SYT10: variants seen among roughly 807,000 people sequenced by gnomAD.
SYT10 encodes synaptotagmin 10.
Under a neutral mutation model 51.1 loss-of-function variants are expected in SYT10, and 31 were observed. The observed-to-expected ratio is 0.61, with a 90% CI of 0.46 to 0.82. SYT10 has a LOEUF of 0.82. Among genes scored for constraint, SYT10 ranks in the 40% least tolerant of loss-of-function variants. The pLI, the probability that SYT10 is intolerant of heterozygous loss-of-function variation, is 0.00. For missense variants in SYT10, 603 were observed against 634.0 expected (o/e 0.95, Z 0.53); for synonymous variants, 233 against 225.9 (o/e 1.03, Z -0.28).
rs746655901 is a variant in SYT10 at position 33,374,763 on chromosome 12, A to G, written c.*2067T>C. 34 of 151,984 alleles carry G rather than the reference A, an allele frequency of 2.2e-4. No individual in the cohort carries two copies. The highest frequency in any genetic ancestry group is 3.4e-3 in the Middle Eastern group (1 of 294). 9.4% of individuals were successfully genotyped at this position (151,984 alleles called of 1,614,324 possible). Reference sequence around the variant, plus strand: ...CATATTAGAGTCTTCTGATTGGCCAATGGTTCACATTTTTTCATCACAAGC... The same window carrying G: ...CATATTAGAGTCTTCTGATTGGCCAGTGGTTCACATTTTTTCATCACAAGC... On this transcript the variant is annotated 3_prime_UTR_variant, in exon 7 of 7. Coordinates refer to ENST00000228567, the MANE Select transcript of SYT10 (RefSeq NM_198992.4).
At chr12:33,387,353 A>G (rs1866165366) in intron 3 of SYT10, among the ~76,000 whole-genome samples, 1 of 152,234 alleles carries the variant, frequency 6.6e-6, no homozygotes, top group South Asian at 2.1e-4. Context: ...TTTCAAATTG[A>G]GAATAACGCT....
chr12:33,436,419 A>T (rs1866638040), intron 1 of SYT10, among the ~76,000 whole-genome samples: 1 of 152,180 alleles, frequency 6.6e-6, no homozygotes, highest in Admixed American at 6.5e-5. Context: ...ACTTTCTAGA[A>T]TATTAGTAAT....
In SYT10 at chr12:33,422,773, G is replaced by T. The variant is rs192098302; in HGVS notation, c.509+3365C>A. Among the ~76,000 whole-genome samples, 502 of 151,830 alleles carry T rather than the reference G, an allele frequency of 3.3e-3. 1 individual carries two copies. Among genetic ancestry groups the T allele is most frequent in the African/African-American group, 0.012 (479 of 41,408 alleles). On this transcript the variant is annotated intron_variant, in intron 2 of 6. Transcript: ENST00000228567. ...AATGGCTCTTCTCCATGCCTTAGCT[G>T]GAAATAATGTCTCAATGTTCTGAAT...
intron 6 of SYT10, among the ~76,000 whole-genome samples, chr12:33,379,055 TA>T (rs1866090809): frequency 6.6e-6 from 1 of 152,186 alleles, no homozygotes; most frequent in African/African-American, 2.4e-5. Context: ...TTTTTGTGAC[TA>T]AACTGAGATT....
chr12:33,386,888 T>G (rs1866161225), intron 3 of SYT10, among the ~76,000 whole-genome samples: 1 of 152,182 alleles, frequency 6.6e-6, no homozygotes, highest in African/African-American at 2.4e-5. Flanking sequence ...TTTATTTCAT[T>G]TTTATAAAGC....
Position 33,382,366 on chromosome 12 carries a change from C to T in SYT10, c.1353G>A (p.Ala451=), listed in dbSNP as rs532155899. The T allele has an allele frequency of 6.0e-5, 97 of 1,606,494 alleles. No homozygotes were observed. Among genetic ancestry groups the T allele is most frequent in the Admixed American group, 3.9e-4 (23 of 58,924 alleles). The change falls in exon 5 of 7, where the codon GCG becomes GCA. Residue 451 remains alanine, a synonymous_variant. Transcript: ENST00000228567. ...ACACATACCTATCGTAATCCATGAC[C>T]GCAATGGAGAGGCTGACCTGGTCCA... ...ENVDQVSLSI[A]VMDYDRVGHN...
chr12:33,420,783 A>G (rs1866496287), intron 2 of SYT10, among the ~76,000 whole-genome samples: 1 of 152,254 alleles, frequency 6.6e-6, no homozygotes, highest in African/African-American at 2.4e-5. Flanking sequence ...TAGTTCAAAG[A>G]GTCATCTCTT....
At position 33,438,298 on chromosome 12, in the gene SYT10, G is replaced by A. The variant is rs528683578; in HGVS notation, c.151+1074C>T. Among the ~76,000 whole-genome samples the A allele has an allele frequency of 2.2e-4, 34 of 152,296 alleles. No homozygotes were observed. In the East Asian group the frequency reaches 6.2e-3, roughly 28 times the overall value. ...AAATGACAGGAAAAGCAAAGGGAAA[G>A]AACCTAGAGAAGGAATGGCAACCTT... On this transcript the variant is annotated intron_variant, in intron 1 of 6. Transcript: ENST00000228567.
At chr12:33,426,062 T>TTACACA in intron 2 of SYT10, 76 bp downstream of exon 2, 1 of 1,205,158 alleles carries the variant, frequency 8.3e-7, no homozygotes, top group Non-Finnish European at 1.1e-6. Flanking sequence ...TTATGAAATT[T>TTACACA]CACACACACA....
At chr12:33,379,384 G>T (rs765942581) in intron 6 of SYT10, among the ~76,000 whole-genome samples, 1 of 151,760 alleles carries the variant, frequency 6.6e-6, no homozygotes, top group Non-Finnish European at 1.5e-5. Context: ...TTCCCCTTAC[G>T]CAGAAAAGTT....
chr12:33,412,173 T>C (rs1866412334), intron 2 of SYT10, among the ~76,000 whole-genome samples: 1 of 152,130 alleles, frequency 6.6e-6, no homozygotes, highest in Non-Finnish European at 1.5e-5. Flanking sequence ...TTCTATCCTC[T>C]GTGCCAAAAT....
Position 33,439,719 on chromosome 12 carries a change from A to G in SYT10, c.-197T>C. On this transcript the variant is annotated 5_prime_UTR_variant, in exon 1 of 7. Transcript: ENST00000228567. ...CGGGAGCGGAGGGCGTAGGGGAAGG[A>G]GAGGCGCGCGAGGAGGCTGCGGCTG... 1.6e-6 allele frequency: 1 copy of G among 623,104 alleles called. No individual in the cohort carries two copies. Among genetic ancestry groups the G allele is most frequent in the Non-Finnish European group, 2.6e-6 (1 of 381,610 alleles). 38.6% of individuals were successfully genotyped at this position (623,104 alleles called of 1,614,324 possible).
chr12:33,418,052 T>C (rs545865423), intron 2 of SYT10, among the ~76,000 whole-genome samples: 11 of 152,172 alleles, frequency 7.2e-5, no homozygotes, highest in Non-Finnish European at 1.3e-4. Context: ...GGACAGTATA[T>C]TCACTGTTCA....
chr12:33,434,761 C>T (rs1389883600), intron 1 of SYT10, among the ~76,000 whole-genome samples: 6 of 152,040 alleles, frequency 3.9e-5, no homozygotes, highest in Non-Finnish European at 8.8e-5. Flanking sequence ...GCTGAGATCC[C>T]GCCATTGCAC....
intron 1 of SYT10, among the ~76,000 whole-genome samples, chr12:33,434,477 T>G (rs1163462709): frequency 6.6e-6 from 1 of 152,198 alleles, no homozygotes; most frequent in Non-Finnish European, 1.5e-5. Flanking sequence ...AGCTTCTTGA[T>G]AATAAATCCC....
In SYT10 at chr12:33,374,840, C is replaced by T. The variant is rs1487035612; in HGVS notation, c.*1990G>A. ...AGAAAAGCGAGTTTCTAAGAATCAACAAAAAGTCCTTAAAAATGTGTTTTT... is the reference window on the plus strand; with the variant it reads ...AGAAAAGCGAGTTTCTAAGAATCAATAAAAAGTCCTTAAAAATGTGTTTTT... On this transcript the variant is annotated 3_prime_UTR_variant, in exon 7 of 7. Coordinates refer to ENST00000228567, the MANE Select transcript of SYT10 (RefSeq NM_198992.4). The T allele has an allele frequency of 6.6e-6, 1 of 151,816 alleles. No individual in the cohort carries two copies. Among genetic ancestry groups the T allele is most frequent in the Non-Finnish European group, 1.5e-5 (1 of 67,834 alleles). The allele number at this position is 151,816 out of a possible 1,614,324, so 9.4% of individuals were successfully genotyped here. A position where few individuals can be genotyped will look rare whatever the true frequency, so the allele number is the denominator to read the frequency against.
intron 2 of SYT10, among the ~76,000 whole-genome samples, chr12:33,408,804 A>G (rs758889749): frequency 2.7e-5 from 4 of 148,998 alleles, no homozygotes; most frequent in Non-Finnish European, 5.9e-5. Context: ...TTATCCCACA[A>G]TCTCTGACAA....
intron 2 of SYT10, among the ~76,000 whole-genome samples, chr12:33,417,897 G>T (rs1445178808): frequency 3.3e-5 from 5 of 152,192 alleles, no homozygotes; most frequent in Admixed American, 1.3e-4. Flanking sequence ...CATAGTGACA[G>T]AATCAATGGA....
chr12:33,421,939 A>T (rs1367618082), intron 2 of SYT10, among the ~76,000 whole-genome samples: 6 of 152,130 alleles, frequency 3.9e-5, no homozygotes, highest in African/African-American at 1.4e-4. Flanking sequence ...AGGATGGTAA[A>T]AAGACCAAGT....
Sources: gnomAD v4.1 joint callset for allele counts (sites outside exome capture counted in the v4.1 genomes callset) on GRCh38, gnomAD v4.1.1 for gene constraint, MANE v1.5 for transcripts, NCBI Gene and HGNC (gene_info 2026-07-23, HGNC 2026-07-21) for gene names.